XK: variants seen among roughly 807,000 people sequenced by gnomAD.
XK encodes the protein endoplasmic reticulum membrane adapter protein XK.
XK carries 2 observed loss-of-function variants against 14.0 expected under a neutral mutation model. The ratio of observed to expected loss-of-function variants is 0.14; its 90% CI spans 0.06 to 0.45. The LOEUF (loss-of-function observed/expected upper bound fraction) is 0.45. Ranked by LOEUF, XK falls within the 20% of genes least tolerant of loss-of-function variation. XK has a pLI of 0.98. For synonymous variants in XK, 149 were observed against 147.5 expected, an observed-to-expected ratio of 1.01 and a Z score of -0.08; for missense variants, 235 against 341.5, an observed-to-expected ratio of 0.69 and a Z score of 2.46.
intron 2 of XK, among the ~76,000 whole-genome samples, chrX:37,713,560 G>A (rs1352533163): frequency 1.8e-5 from 2 of 110,639 alleles, no homozygotes; most frequent in Admixed American, 1.9e-4. Context: ...TGAAGAGGGA[G>A]GTTTCTTCCT....
Position 37,694,536 on chromosome X carries a change from A to G in XK, c.496A>G (p.Thr166Ala), listed in dbSNP as rs1483922940. Residue 166 changes from threonine (T) to alanine (A), a missense_variant, in exon 2 of 3, where the codon ACT becomes GCT. Coordinates refer to ENST00000378616, the MANE Select transcript of XK (RefSeq NM_021083.4). ...CATAAGTGTCATGCAGCAGGACGTC[A>G]CTGTTGGAAGAAGTACGTGTATTTT... ...LYISVMQQDV[T>A]VGRSLLMTIS... 1 of 1,189,120 alleles carries G rather than the reference A, an allele frequency of 8.4e-7. No homozygotes were observed. The highest frequency in any genetic ancestry group is 1.1e-6 in the Non-Finnish European group (1 of 883,302).
At chrX:37,697,205 C>T (rs1333697515) in intron 2 of XK, among the ~76,000 whole-genome samples, 1 of 111,948 alleles carries the variant, frequency 8.9e-6, no homozygotes, top group Non-Finnish European at 1.9e-5. Flanking sequence ...TTGTGATTTG[C>T]TGTGTCTGGG....
chrX:37,717,174 G>A (rs1255389488), intron 2 of XK, among the ~76,000 whole-genome samples: 1 of 111,615 alleles, frequency 9.0e-6, no homozygotes, highest in African/African-American at 3.3e-5. Flanking sequence ...TTTAAGGGTA[G>A]CAGACTCCTT....
intron 2 of XK, among the ~76,000 whole-genome samples, chrX:37,722,085 G>C (rs782248212): frequency 5.4e-5 from 6 of 111,577 alleles, no homozygotes; most frequent in Non-Finnish European, 1.1e-4. Flanking sequence ...TCTTTTTGAG[G>C]TGATGAAAAC....
chrX:37,706,550 G>A (rs1927529027), intron 2 of XK, among the ~76,000 whole-genome samples: 1 of 110,716 alleles, frequency 9.0e-6, no homozygotes, highest in East Asian at 2.8e-4. Context: ...AAGAGATTGA[G>A]GTTGGGAGAT....
chrX:37,716,318 T>C (rs954142221), intron 2 of XK, among the ~76,000 whole-genome samples: 2 of 111,994 alleles, frequency 1.8e-5, no homozygotes, highest in Non-Finnish European at 3.8e-5. Context: ...TCATGTTGTT[T>C]ACAACCATGG....
chrX:37,697,702 G>T (rs1166857718), intron 2 of XK, among the ~76,000 whole-genome samples: 1 of 111,806 alleles, frequency 8.9e-6, no homozygotes, highest in East Asian at 2.8e-4. Context: ...ACTACTTTGG[G>T]TGTACAATTC....
At chrX:37,711,902 C>A (rs1047829938) in intron 2 of XK, among the ~76,000 whole-genome samples, 1 of 111,101 alleles carries the variant, frequency 9.0e-6, no homozygotes, top group South Asian at 3.8e-4. Context: ...AGTTTTACAC[C>A]AAGTATTCTT....
In XK at chrX:37,732,064, C is replaced by T. The variant is rs1296221104; in HGVS notation, c.*3602C>T. The T allele has an allele frequency of 9.0e-6, 1 of 111,621 alleles. No individual in the cohort carries two copies. The highest frequency in any genetic ancestry group is 3.2e-5 in the African/African-American group (1 of 30,796). The allele number at this position is 111,621 out of a possible 1,213,427, so 9.2% of individuals were successfully genotyped here. A position where few individuals can be genotyped will look rare whatever the true frequency, so the allele number is the denominator to read the frequency against. On this transcript the variant is annotated 3_prime_UTR_variant, in exon 3 of 3. Coordinates refer to ENST00000378616, the MANE Select transcript of XK (RefSeq NM_021083.4). ...CTTTCGTTGACTGCTTCTCTGCAGTCGTTGATGCTAATAAATATTGTCCTG... is the reference window on the plus strand; with the variant it reads ...CTTTCGTTGACTGCTTCTCTGCAGTTGTTGATGCTAATAAATATTGTCCTG...
chrX:37,709,329 A>C (rs1237370274), intron 2 of XK, among the ~76,000 whole-genome samples: 1 of 112,338 alleles, frequency 8.9e-6, no homozygotes, highest in Non-Finnish European at 1.9e-5. Flanking sequence ...GTAACATACT[A>C]CACAACCTCA....
In XK at chrX:37,731,473, A is replaced by G. The variant is rs1253241084; in HGVS notation, c.*3011A>G. The G allele has an allele frequency of 8.9e-6, 1 of 112,382 alleles. No homozygotes were observed. The highest frequency in any genetic ancestry group is 2.8e-4 in the East Asian group (1 of 3,591). 9.3% of individuals were successfully genotyped at this position (112,382 alleles called of 1,213,427 possible). On this transcript the variant is annotated 3_prime_UTR_variant, in exon 3 of 3. Transcript: ENST00000378616. ...AATACCCTTTTCCAACCTACCTCAC[A>G]AGGTTATCAGAAAGATCAAATTAAA...
chrX:37,710,914 A>G (rs1556446597), intron 2 of XK, among the ~76,000 whole-genome samples: 1 of 111,730 alleles, frequency 9.0e-6, no homozygotes, highest in Non-Finnish European at 1.9e-5. Flanking sequence ...CCTGAGTGCC[A>G]CCGATTCTTT....
chrX:37,727,296 T>C (rs1927993945), intron 2 of XK, among the ~76,000 whole-genome samples: 1 of 111,369 alleles, frequency 9.0e-6, no homozygotes, highest in Admixed American at 9.5e-5. Context: ...CTAGGAAATG[T>C]CATAGAACAC....
chrX:37,709,349 A>T (rs897819017), intron 2 of XK, among the ~76,000 whole-genome samples: 18 of 112,381 alleles, frequency 1.6e-4, no homozygotes, highest in Non-Finnish European at 7.5e-5. Flanking sequence ...ATTACTATGG[A>T]ACTATAAATT....
At chrX:37,725,124 C>G (rs782419891) in intron 2 of XK, among the ~76,000 whole-genome samples, 81 of 111,181 alleles carry the variant, frequency 7.3e-4, no homozygotes, top group African/African-American at 2.5e-3. Flanking sequence ...CTAAAAAAGT[C>G]AAATTGATAG....
intron 2 of XK, among the ~76,000 whole-genome samples, chrX:37,700,150 A>G (rs1335210167): frequency 1.8e-5 from 2 of 111,522 alleles, no homozygotes; most frequent in Non-Finnish European, 1.9e-5. Context: ...CTGATGGCCA[A>G]CATCCTGGAG....
In XK at chrX:37,714,812, T is replaced by A. The variant is rs137981577; in HGVS notation, c.509-12824T>A. Among the ~76,000 whole-genome samples the A allele has an allele frequency of 9.9e-3, 1,098 of 110,906 alleles. 7 individuals are homozygous for A. Among genetic ancestry groups the A allele is most frequent in the Non-Finnish European group, 0.017 (902 of 52,871 alleles). ...TTGTAGATTCCTGAAGGAGGGAGAC[T>A]TGAGGGAATAGCCTGGAGTGAATAA... On this transcript the variant is annotated intron_variant, in intron 2 of 2. Coordinates refer to ENST00000378616, the MANE Select transcript of XK (RefSeq NM_021083.4).
chrX:37,697,139 TAG>T (rs1247989503), intron 2 of XK, among the ~76,000 whole-genome samples: 1 of 111,742 alleles, frequency 8.9e-6, no homozygotes, highest in East Asian at 2.8e-4. Context: ...TGATGATGAT[TAG>T]AGTTACCTGG....
intron 1 of XK, among the ~76,000 whole-genome samples, chrX:37,689,195 A>AT (rs782786206): frequency 8.9e-6 from 1 of 112,258 alleles, no homozygotes; most frequent in African/African-American, 3.2e-5. Flanking sequence ...TCAAGGAGTT[A>AT]TTGGACCCAT....
Sources: allele counts gnomAD v4.1 joint callset (sites outside exome capture counted in the v4.1 genomes callset), GRCh38; gene constraint gnomAD v4.1.1; transcripts MANE v1.5; gene names NCBI Gene and HGNC (gene_info 2026-07-23, HGNC 2026-07-21).